DLG2: variants seen among roughly 807,000 people sequenced by gnomAD.
The protein encoded by DLG2 is disks large homolog 2.
DLG2 carries 45 observed loss-of-function variants against 132.5 expected under a neutral mutation model. The ratio of observed to expected loss-of-function variants is 0.34; its 90% CI spans 0.27 to 0.44. DLG2 has a LOEUF of 0.44. Among genes scored for constraint, DLG2 ranks in the 20% least tolerant of loss-of-function variants. DLG2 has a pLI of 1.00. For missense variants in DLG2, 1,045 were observed against 1,196.9 expected (o/e 0.87, Z 1.87); for synonymous variants, 424 against 419.6 (o/e 1.01, Z -0.13).
chr11:83,718,833 A>G (rs2087544064), intron 18 of DLG2, among the ~76,000 whole-genome samples: 1 of 152,154 alleles, frequency 6.6e-6, no homozygotes, highest in Non-Finnish European at 1.5e-5. Flanking sequence ...ACTGGGTTCT[A>G]ATACACCGTA....
At chr11:85,522,114 T>A (rs936181302) in intron 3 of DLG2, among the ~76,000 whole-genome samples, 1 of 152,164 alleles carries the variant, frequency 6.6e-6, no homozygotes, top group Admixed American at 6.5e-5. Context: ...AATTGTTTCC[T>A]GGGTTGGGTC....
chr11:85,098,790 G>T (rs906815590), intron 6 of DLG2, among the ~76,000 whole-genome samples: 8 of 152,060 alleles, frequency 5.3e-5, no homozygotes, highest in African/African-American at 1.4e-4. Context: ...CAATCCAGAC[G>T]TGAATGCCAT....
At chr11:84,759,892 G>C (rs1462297268) in intron 6 of DLG2, among the ~76,000 whole-genome samples, 1 of 151,680 alleles carries the variant, frequency 6.6e-6, no homozygotes, top group East Asian at 1.9e-4. Context: ...AAATTGTCTT[G>C]TAGTAACTAT....
chr11:85,168,532 A>T (rs1007261657), intron 4 of DLG2, among the ~76,000 whole-genome samples: 1 of 152,150 alleles, frequency 6.6e-6, no homozygotes, highest in East Asian at 1.9e-4. Context: ...ACATTATGCC[A>T]AAGAATTCAG....
chr11:84,568,076 C>G (rs1404179185), intron 6 of DLG2, among the ~76,000 whole-genome samples: 1 of 152,112 alleles, frequency 6.6e-6, no homozygotes, highest in Non-Finnish European at 1.5e-5. Flanking sequence ...TTTTACCTCA[C>G]AGGAAACACT....
At chr11:85,464,172 A>G (rs2092708517) in intron 3 of DLG2, among the ~76,000 whole-genome samples, 1 of 152,190 alleles carries the variant, frequency 6.6e-6, no homozygotes, top group African/African-American at 2.4e-5. Flanking sequence ...ATGGTGCAGA[A>G]TCTTGTACTT....
chr11:85,401,698 GACAA>G (rs781051218), intron 3 of DLG2, among the ~76,000 whole-genome samples: 5 of 152,036 alleles, frequency 3.3e-5, no homozygotes, highest in Admixed American at 6.6e-5. Context: ...ACTAATAATA[GACAA>G]ACAGAGAGCC....
chr11:83,613,868 G>A (rs634368), intron 19 of DLG2, among the ~76,000 whole-genome samples: 62,656 of 151,980 alleles, frequency 0.41, 13,375 homozygotes, highest in East Asian at 0.57. Flanking sequence ...ACTAATGCCT[G>A]GGGACCCACT....
At chr11:85,071,744 G>T (rs574857466) in intron 6 of DLG2, among the ~76,000 whole-genome samples, 2 of 151,858 alleles carry the variant, frequency 1.3e-5, no homozygotes, top group Non-Finnish European at 2.9e-5. Flanking sequence ...ATGCCTTAAG[G>T]TCTAATTTCA....
chr11:84,405,637 G>T (rs1284705414), intron 7 of DLG2, among the ~76,000 whole-genome samples: 2 of 152,086 alleles, frequency 1.3e-5, no homozygotes, highest in East Asian at 3.9e-4. Flanking sequence ...TTGCCCCTCA[G>T]AGGTACATTC....
intron 11 of DLG2, among the ~76,000 whole-genome samples, chr11:84,041,559 T>C (rs2096080763): frequency 1.3e-5 from 2 of 151,976 alleles, no homozygotes; most frequent in South Asian, 2.1e-4. Context: ...CTGAACATTA[T>C]ATAAATGTAT....
intron 6 of DLG2, among the ~76,000 whole-genome samples, chr11:84,648,900 T>C (rs2099678223): frequency 6.6e-6 from 1 of 152,154 alleles, no homozygotes; most frequent in African/African-American, 2.4e-5. Flanking sequence ...TTTTTTTCTT[T>C]ATAAATCATT....
chr11:84,327,417 T>C (rs1249636525), intron 7 of DLG2, among the ~76,000 whole-genome samples: 1 of 152,198 alleles, frequency 6.6e-6, no homozygotes, highest in Non-Finnish European at 1.5e-5. Flanking sequence ...TTAGCTATTC[T>C]ATCTTTTGAT....
chr11:85,575,708 C>A (rs2153226672), intron 3 of DLG2, among the ~76,000 whole-genome samples: 1 of 152,260 alleles, frequency 6.6e-6, no homozygotes, highest in Non-Finnish European at 1.5e-5. Context: ...AGTCTTTACT[C>A]AAATGTCTTC....
rs183019199 is a variant in DLG2, at chr11:84,532,451, G to A, written c.519+2119C>T. ...GGTATGCTCTAGAGGTGATTAAGGA[G>A]GAAAGGTTGGGAAGGGAGAAAGGTG... On this transcript the variant is annotated intron_variant, in intron 7 of 27. Transcript: ENST00000376104. 2.0e-3 allele frequency among the ~76,000 whole-genome samples: 304 copies of A among 152,206 alleles called. 3 individuals are homozygous for A. The highest frequency in any genetic ancestry group is 6.8e-3 in the African/African-American group (282 of 41,548).
chr11:84,885,747 C>G (rs978904823), intron 6 of DLG2, among the ~76,000 whole-genome samples: 1 of 152,038 alleles, frequency 6.6e-6, no homozygotes, highest in African/African-American at 2.4e-5. Flanking sequence ...GCAATGAAAA[C>G]CAGCACCACC....
At chr11:83,486,146 A>T (rs2093485410) in intron 21 of DLG2, 1 of 615,114 alleles carries the variant, frequency 1.6e-6, no homozygotes. Context: ...ACTGCCCCCA[A>T]ATTTTCCTAG....
chr11:84,716,938 T>C (rs766343083), intron 6 of DLG2, among the ~76,000 whole-genome samples: 3 of 152,000 alleles, frequency 2.0e-5, no homozygotes, highest in Non-Finnish European at 2.9e-5. Flanking sequence ...ATGCCTAGCA[T>C]GGAAAGACAC....
At chr11:85,417,330 G>C (rs2089953092) in intron 3 of DLG2, among the ~76,000 whole-genome samples, 1 of 152,132 alleles carries the variant, frequency 6.6e-6, no homozygotes, top group Non-Finnish European at 1.5e-5. Context: ...TTGATGTGTT[G>C]CTGGATTTGG....
Sources: gnomAD v4.1 joint callset for allele counts (sites outside exome capture counted in the v4.1 genomes callset) on GRCh38, gnomAD v4.1.1 for gene constraint, MANE v1.5 for transcripts, NCBI Gene and HGNC (gene_info 2026-07-23, HGNC 2026-07-21) for gene names.